The following PNPLA4 variants were observed in gnomAD, a reference collection of about 807,000 sequenced individuals.
The protein encoded by PNPLA4 is patatin-like phospholipase domain-containing protein 4.
A neutral mutation model predicts 18.3 loss-of-function variants in PNPLA4; 15 were observed. The ratio of observed to expected loss-of-function variants is 0.82; its 90% CI spans 0.55 to 1.26. PNPLA4 has a LOEUF of 1.26. PNPLA4 is among the 50% of genes most tolerant of loss of function. The pLI is 0.00. For synonymous variants in PNPLA4, 88 were observed against 85.6 expected (o/e 1.03, Z -0.16); for missense variants, 229 against 196.8 (o/e 1.16, Z -0.98).
At chrX:7,904,270 T>C (rs1923638968) in intron 5 of PNPLA4, among the ~76,000 whole-genome samples, 1 of 112,565 alleles carries the variant, frequency 8.9e-6, no homozygotes, top group African/African-American at 3.2e-5. Flanking sequence ...AAGGGCAATC[T>C]GGCTCAGTAA....
chrX:7,926,971 G>A (rs1336168994), intron 1 of PNPLA4, among the ~76,000 whole-genome samples: 3 of 112,514 alleles, frequency 2.7e-5, no homozygotes, highest in African/African-American at 9.7e-5. Flanking sequence ...ACAGGGCCTC[G>A]AATTTAGGGA....
At position 7,902,090 on chromosome X, in the gene PNPLA4, G is replaced by A. The variant is rs1303847464; in HGVS notation, c.529C>T (p.Arg177Trp). ...CTGAAGGGGGAGATGGTTACTGTCC[G>A]GCCGACGGGCAGGATGGGAAGAGCG... The part of the protein sequence containing the change: ...TNALPILPVG[R>W]TVTISPFSGR... The change falls in exon 6 of 7, where the codon CGG (arginine) becomes TGG (tryptophan). Residue 177 changes from arginine to tryptophan, a missense_variant. Coordinates refer to ENST00000381042, the MANE Select transcript of PNPLA4 (RefSeq NM_004650.3). The A allele has an allele frequency of 7.5e-6, 9 of 1,206,157 alleles. No homozygotes were observed. Among genetic ancestry groups the A allele is most frequent in the South Asian group, 3.6e-5 (2 of 56,107 alleles).
intron 4 of PNPLA4, among the ~76,000 whole-genome samples, chrX:7,916,068 G>T (rs1924035740): frequency 9.0e-6 from 1 of 111,478 alleles, no homozygotes; most frequent in Admixed American, 9.5e-5. Context: ...CGTGTCAAAA[G>T]ACCCTTTCGG....
At chrX:7,915,975 C>T (rs1302737578) in intron 4 of PNPLA4, among the ~76,000 whole-genome samples, 3 of 111,898 alleles carry the variant, frequency 2.7e-5, no homozygotes, top group Admixed American at 9.5e-5. Context: ...GCAACAGAGA[C>T]AGGGCAGAAT....
intron 6 of PNPLA4, 152 bp from the exon 7 acceptor site, chrX:7,900,969 T>C: frequency 6.9e-6 from 3 of 436,519 alleles, no homozygotes; most frequent in Non-Finnish European, 3.9e-6. Flanking sequence ...TTACCTCCAC[T>C]GATACACTAA....
At chrX:7,914,432 G>A (rs763234356) in intron 4 of PNPLA4, among the ~76,000 whole-genome samples, 3 of 111,566 alleles carry the variant, frequency 2.7e-5, no homozygotes, top group Non-Finnish European at 3.8e-5. Context: ...GGTTGTTTAC[G>A]GTTAAGGTAA....
intron 5 of PNPLA4, among the ~76,000 whole-genome samples, chrX:7,904,235 CT>C (rs1233291556): frequency 5.3e-5 from 6 of 112,363 alleles, no homozygotes. Flanking sequence ...AACAGCTCTT[CT>C]GATTTATTCA....
intron 5 of PNPLA4, among the ~76,000 whole-genome samples, chrX:7,903,454 C>T (rs1923609862): frequency 9.0e-6 from 1 of 110,661 alleles, no homozygotes; most frequent in Admixed American, 9.7e-5. Flanking sequence ...CGCCCGCCAC[C>T]ATGCCCGGCT....
In PNPLA4 at chrX:7,898,764, TTAAAATAAAAG is replaced by T. The variant is rs1923416123; in HGVS notation, c.*1911_*1921del. 1 of 111,239 alleles carries T rather than the reference TTAAAATAAAAG, an allele frequency of 9.0e-6. No homozygotes were observed. The highest frequency in any genetic ancestry group is 3.3e-5 in the African/African-American group (1 of 30,505). 9.2% of individuals were successfully genotyped at this position (111,239 alleles called of 1,213,427 possible). ...CAAACCTGTACACGTACCCCTGAAC[TTAAAATAAAAG>T]TTAAAAAGAAAAGTACCATCCTCCC... On this transcript the variant is annotated 3_prime_UTR_variant, in exon 7 of 7. Transcript: ENST00000381042.
chrX:7,926,979 G>A (rs186931842), intron 1 of PNPLA4, among the ~76,000 whole-genome samples: 1,318 of 112,583 alleles, frequency 0.012, 7 homozygotes, highest in Non-Finnish European at 0.018. Flanking sequence ...TCGAATTTAG[G>A]GACCTAAGAC....
At position 7,927,382 on chromosome X, in the gene PNPLA4, G is replaced by T. The variant is rs1456424619; in HGVS notation, c.-110C>A. On this transcript the variant is annotated 5_prime_UTR_variant, in exon 1 of 7. Transcript: ENST00000381042. Reference sequence around the variant, plus strand: ...AACGCCATTCCGCCACCAAGGCCGCGCTACGCTCTCCGCGAGCCGGCCCAG... The same window carrying T: ...AACGCCATTCCGCCACCAAGGCCGCTCTACGCTCTCCGCGAGCCGGCCCAG... 8.8e-6 allele frequency: 1 copy of T among 113,415 alleles called. No homozygotes were observed. Among genetic ancestry groups the T allele is most frequent in the East Asian group, 2.8e-4 (1 of 3,543 alleles). 9.3% of individuals were successfully genotyped at this position (113,415 alleles called of 1,213,427 possible).
At chrX:7,908,606 T>C (rs982398344) in intron 5 of PNPLA4, among the ~76,000 whole-genome samples, 1 of 112,143 alleles carries the variant, frequency 8.9e-6, no homozygotes, top group Non-Finnish European at 1.9e-5. Flanking sequence ...CACTTCTAAA[T>C]TGTCCCTTTC....
rs889703768 is a variant in PNPLA4 at position 7,898,337 on chromosome X, G to A, written c.*2349C>T. 1.8e-5 allele frequency: 2 copies of A among 111,889 alleles called. No homozygotes were observed. The highest frequency in any genetic ancestry group is 5.6e-4 in the East Asian group (2 of 3,572). The allele number at this position is 111,889 out of a possible 1,213,427, so 9.2% of individuals were successfully genotyped here. On this transcript the variant is annotated 3_prime_UTR_variant, in exon 7 of 7. Transcript: ENST00000381042. ...GGAATTTATCAAGCTGCCAATCACA[G>A]TAATTACCCTGCAAACATATCAGTA...
chrX:7,926,001 G>C lies in PNPLA4; in HGVS notation c.119C>G (p.Ala40Gly). The change falls in exon 2 of 7, where the codon GCT (alanine) becomes GGT (glycine). Residue 40 changes from alanine to glycine, a missense_variant. Coordinates refer to ENST00000381042, the MANE Select transcript of PNPLA4 (RefSeq NM_004650.3). ...AACCAACGATCCCGCAGACGCCCCA[G>C]CGAAGGCTTTGACATCCTTCACAAG... Reference protein sequence around the residue: ...KKLVKDVKAFAGASAGSLVAS... With the variant: ...KKLVKDVKAFGGASAGSLVAS... The C allele has an allele frequency of 8.3e-7, 1 of 1,211,802 alleles. No homozygotes were observed. Among genetic ancestry groups the C allele is most frequent in the Non-Finnish European group, 1.1e-6 (1 of 895,312 alleles).
At chrX:7,920,371 C>G (rs1486540545) in intron 4 of PNPLA4, among the ~76,000 whole-genome samples, 2 of 111,862 alleles carry the variant, frequency 1.8e-5, no homozygotes, top group African/African-American at 6.5e-5. Flanking sequence ...TCCCTTGACA[C>G]TGTCAAGTCT....
At chrX:7,919,481 G>A (rs1924146398) in intron 4 of PNPLA4, among the ~76,000 whole-genome samples, 7 of 112,330 alleles carry the variant, frequency 6.2e-5, no homozygotes, top group Admixed American at 5.6e-4. Context: ...AAGCCTCTGT[G>A]CTTCCCTGGC....
At chrX:7,900,952 T>TCGTTTTG in intron 6 of PNPLA4, 135 bp from the exon 7 acceptor site, 1 of 490,913 alleles carries the variant, frequency 2.0e-6, no homozygotes. Context: ...AATTTAAACT[T>TCGTTTTG]CAGAAGTTAC....
chrX:7,912,656 T>G (rs1459574803), intron 4 of PNPLA4, among the ~76,000 whole-genome samples: 2 of 112,197 alleles, frequency 1.8e-5, no homozygotes, highest in Non-Finnish European at 3.8e-5. Context: ...TTTAAACAGT[T>G]GAAAAAGATT....
At chrX:7,923,728 A>G (rs1383912206) in intron 2 of PNPLA4, among the ~76,000 whole-genome samples, 1 of 111,557 alleles carries the variant, frequency 9.0e-6, no homozygotes, top group East Asian at 2.8e-4. Context: ...AGAGGGGCAC[A>G]GAGCTGAAAT....
Sources: allele counts gnomAD v4.1 joint callset (sites outside exome capture counted in the v4.1 genomes callset), GRCh38; gene constraint gnomAD v4.1.1; transcripts MANE v1.5; gene names NCBI Gene and HGNC (gene_info 2026-07-23, HGNC 2026-07-21).